CDYL2: variants seen among roughly 807,000 people sequenced by gnomAD.
CDYL2 encodes chromodomain Y like 2.
Under a neutral mutation model 49.4 loss-of-function variants are expected in CDYL2, and 23 were observed. The observed-to-expected ratio is 0.47, with a 90% CI of 0.34 to 0.66. The LOEUF (loss-of-function observed/expected upper bound fraction) is 0.66. Ranked by LOEUF, CDYL2 falls within the 30% of genes least tolerant of loss-of-function variation. CDYL2 has a pLI of 0.01. For missense variants in CDYL2, 678 were observed against 656.4 expected, an observed-to-expected ratio of 1.03 and a Z score of -0.36; for synonymous variants, 360 against 268.8, an observed-to-expected ratio of 1.34 and a Z score of -3.32.
intron 2 of CDYL2, among the ~76,000 whole-genome samples, chr16:80,660,772 G>A (rs1909008425): frequency 6.6e-6 from 1 of 152,138 alleles, no homozygotes; most frequent in Non-Finnish European, 1.5e-5. Flanking sequence ...AGCAAAGAGG[G>A]GAAGAAAAAC....
chr16:80,612,875 A>G lies in CDYL2; in HGVS notation c.1008-39T>C, dbSNP rs542445133. The G allele has an allele frequency of 1.3e-6, 2 of 1,539,960 alleles. No homozygotes were observed. Among genetic ancestry groups the G allele is most frequent in the East Asian group, 2.3e-5 (1 of 43,800 alleles). Reference sequence around the variant, plus strand: ...AAGATCCTCTTGAACAGGTGACTATAGCATGCTAAGCCCCACTGGAACCCT... The same window carrying G: ...AAGATCCTCTTGAACAGGTGACTATGGCATGCTAAGCCCCACTGGAACCCT... On this transcript the variant is annotated intron_variant, in intron 4 of 6. Transcript: ENST00000570137. This position sits in a 1 kb window ranked among gnomAD's most constrained non-coding sequence, Gnocchi z 5.0.
intron 1 of CDYL2, among the ~76,000 whole-genome samples, chr16:80,802,131 A>G (rs973067626): frequency 2.0e-5 from 3 of 152,208 alleles, no homozygotes; most frequent in African/African-American, 7.2e-5. Context: ...TCTGGCAACG[A>G]CAATTACCAG....
At chr16:80,770,524 G>C (rs1906870443) in intron 1 of CDYL2, among the ~76,000 whole-genome samples, 1 of 152,030 alleles carries the variant, frequency 6.6e-6, no homozygotes, top group Non-Finnish European at 1.5e-5. Context: ...AGCCCAGAAA[G>C]TATACCACCC....
In CDYL2 at chr16:80,795,006, G is replaced by C. The variant is rs887299280; in HGVS notation, c.24+9144C>G. On this transcript the variant is annotated intron_variant, in intron 1 of 6. Transcript: ENST00000570137. ...ACATAAAATAAAAATTTGACTGATGGATCATTAAACAAATGACTACTTTCA... is the reference window on the plus strand; with the variant it reads ...ACATAAAATAAAAATTTGACTGATGCATCATTAAACAAATGACTACTTTCA... Among the ~76,000 whole-genome samples, 3 of 152,120 alleles carry C rather than the reference G, an allele frequency of 2.0e-5. No homozygotes were observed. The South Asian group carries it at 6.2e-4, about 32-fold the overall frequency.
intron 2 of CDYL2, among the ~76,000 whole-genome samples, chr16:80,638,991 A>G (rs1264425321): frequency 6.6e-6 from 1 of 152,258 alleles, no homozygotes. Context: ...GGACATTACA[A>G]AGAACATAAT....
chr16:80,657,264 T>G (rs1250251487), intron 2 of CDYL2, among the ~76,000 whole-genome samples: 1 of 152,212 alleles, frequency 6.6e-6, no homozygotes, highest in African/African-American at 2.4e-5. Context: ...AACATTCATT[T>G]AAAATAAACA....
intron 1 of CDYL2, among the ~76,000 whole-genome samples, chr16:80,741,314 A>T (rs1321457967): frequency 1.3e-5 from 2 of 151,920 alleles, no homozygotes; most frequent in Non-Finnish European, 2.9e-5. Flanking sequence ...TCATTAACCA[A>T]CATGAATCCA....
chr16:80,708,280 C>A (rs545758611), intron 1 of CDYL2, among the ~76,000 whole-genome samples: 22 of 152,244 alleles, frequency 1.4e-4, no homozygotes, highest in African/African-American at 5.3e-4. Context: ...AACTGAATCA[C>A]GGGGGTGGGT....
intron 1 of CDYL2, among the ~76,000 whole-genome samples, chr16:80,782,681 G>A (rs1907311177): frequency 1.3e-5 from 2 of 151,772 alleles, no homozygotes; most frequent in Non-Finnish European, 2.9e-5. Context: ...GGAATGCAAG[G>A]GTGGCTCGAA....
chr16:80,680,640 A>C (rs1442567390), intron 2 of CDYL2, among the ~76,000 whole-genome samples: 2 of 152,222 alleles, frequency 1.3e-5, no homozygotes, highest in African/African-American at 4.8e-5. Flanking sequence ...TAGAAACTGC[A>C]AGCAAGGCAG....
chr16:80,721,849 C>T (rs1905008983), intron 1 of CDYL2, among the ~76,000 whole-genome samples: 2 of 152,162 alleles, frequency 1.3e-5, no homozygotes, highest in South Asian at 2.1e-4. Flanking sequence ...CCCCACAGTT[C>T]CTTTGCCCTG....
chr16:80,671,713 C>G (rs1283917840), intron 2 of CDYL2, among the ~76,000 whole-genome samples: 1 of 152,196 alleles, frequency 6.6e-6, no homozygotes, highest in Non-Finnish European at 1.5e-5. Context: ...GATACCGAGG[C>G]TCCTCTTGTT....
intron 1 of CDYL2, among the ~76,000 whole-genome samples, chr16:80,748,322 C>T (rs1414407698): frequency 2.7e-5 from 4 of 147,876 alleles, no homozygotes; most frequent in East Asian, 2.0e-4. Context: ...GTCAGCAGGT[C>T]GAGACCATCC....
chr16:80,732,877 G>C (rs1474328715), intron 1 of CDYL2, among the ~76,000 whole-genome samples: 3 of 118,256 alleles, frequency 2.5e-5, no homozygotes, highest in Middle Eastern at 5.0e-3. Flanking sequence ...GGGTCAAGTT[G>C]GGAAAGTTGA....
At chr16:80,770,625 G>A (rs1301101943) in intron 1 of CDYL2, among the ~76,000 whole-genome samples, 1 of 152,146 alleles carries the variant, frequency 6.6e-6, no homozygotes, top group Non-Finnish European at 1.5e-5. Flanking sequence ...GGGCAGATGT[G>A]CCATAAAATA....
Position 80,796,788 on chromosome 16 carries a change from C to G in CDYL2, c.24+7362G>C, listed in dbSNP as rs141337280. Among the ~76,000 whole-genome samples, 774 of 152,240 alleles carry G rather than the reference C, an allele frequency of 5.1e-3. 4 individuals are homozygous for G. Among genetic ancestry groups the G allele is most frequent in the African/African-American group, 0.018 (735 of 41,534 alleles). ...GCCCAAGACTCTTAGAAGAGTTGCC[C>G]ATACAAGATGTCTCTAAATCCAGAA... On this transcript the variant is annotated intron_variant, in intron 1 of 6. Coordinates refer to ENST00000570137, the MANE Select transcript of CDYL2 (RefSeq NM_152342.4).
chr16:80,673,760 T>C (rs1197628655), intron 2 of CDYL2, among the ~76,000 whole-genome samples: 1 of 152,120 alleles, frequency 6.6e-6, no homozygotes, highest in South Asian at 2.1e-4. Context: ...GTACCTGACA[T>C]GGCAAAAAGG....
At chr16:80,644,127 C>T (rs1908228495) in intron 2 of CDYL2, among the ~76,000 whole-genome samples, 1 of 152,216 alleles carries the variant, frequency 6.6e-6, no homozygotes, top group Admixed American at 6.5e-5. Flanking sequence ...ACGAGACACA[C>T]TAAATCATCT....
intron 1 of CDYL2, among the ~76,000 whole-genome samples, chr16:80,737,739 G>T (rs1033845400): frequency 1.1e-4 from 16 of 152,136 alleles, no homozygotes; most frequent in African/African-American, 3.9e-4. Context: ...GTAGGTCTGG[G>T]GTAAGGCTGA....
Sources: allele counts gnomAD v4.1 joint callset (sites outside exome capture counted in the v4.1 genomes callset), GRCh38; gene constraint gnomAD v4.1.1; non-coding constraint Gnocchi (gnomAD v3.1); transcripts MANE v1.5; gene names NCBI Gene and HGNC (gene_info 2026-07-23, HGNC 2026-07-21).